Variants in NTN4 observed in about 807,000 individuals in gnomAD.
NTN4 encodes netrin 4.
In NTN4, 32 loss-of-function variants were observed where a neutral mutation model predicts 73.6. That is an observed-to-expected ratio of 0.44 (90% CI 0.33 to 0.58). NTN4 has a LOEUF of 0.58. Ranked by LOEUF, NTN4 falls within the 20% of genes least tolerant of loss-of-function variation. The probability of loss-of-function intolerance (pLI) is 0.04; values close to 1 mark genes in which losing one functional copy is unlikely to be tolerated. For missense variants in NTN4, 654 were observed against 798.3 expected, an observed-to-expected ratio of 0.82 and a Z score of 2.18; for synonymous variants, 258 against 287.5, an observed-to-expected ratio of 0.90 and a Z score of 1.04.
chr12:95,724,835 T>C (rs1014730329), intron 3 of NTN4, among the ~76,000 whole-genome samples: 1 of 152,136 alleles, frequency 6.6e-6, no homozygotes, highest in African/African-American at 2.4e-5. Flanking sequence ...ACTCCATCTT[T>C]GTTCTTCATT....
chr12:95,736,083 C>T (rs1000092144), intron 3 of NTN4, among the ~76,000 whole-genome samples: 2 of 151,844 alleles, frequency 1.3e-5, no homozygotes, highest in Admixed American at 6.6e-5. Flanking sequence ...GGAATACAGG[C>T]GCCCACCACT....
chr12:95,731,590 T>C (rs1417740438), intron 3 of NTN4, among the ~76,000 whole-genome samples: 1 of 152,098 alleles, frequency 6.6e-6, no homozygotes, highest in Non-Finnish European at 1.5e-5. Flanking sequence ...AGCTAACCTT[T>C]GGGGGTGAGA....
At chr12:95,724,640 C>A (rs111787894) in intron 3 of NTN4, among the ~76,000 whole-genome samples, 159 of 152,276 alleles carry the variant, frequency 1.0e-3, no homozygotes, top group African/African-American at 3.6e-3. Context: ...AGATGATCAA[C>A]AAGTATTACA....
At chr12:95,662,271 C>T (rs1421996317) in intron 9 of NTN4, among the ~76,000 whole-genome samples, 1 of 133,984 alleles carries the variant, frequency 7.5e-6, no homozygotes, top group Non-Finnish European at 1.6e-5. Flanking sequence ...CACTCTGTCA[C>T]CCAGGCTGAC....
chr12:95,665,968 T>C lies in NTN4; in HGVS notation c.1592A>G (p.Lys531Arg), dbSNP rs2078176491. 1 of 1,608,904 alleles carries C rather than the reference T, an allele frequency of 6.2e-7. No individual in the cohort carries two copies. The highest frequency in any genetic ancestry group is 8.5e-7 in the Non-Finnish European group (1 of 1,177,660). The change falls in exon 9 of 10, where the codon AAG (lysine) becomes AGG (arginine). Residue 531 changes from lysine (K) to arginine (R), a missense_variant. By Grantham distance (26) the Lys-to-Arg change is conservative (BLOSUM62 2). Coordinates refer to ENST00000343702, the MANE Select transcript of NTN4 (RefSeq NM_021229.4). ...ACCTTTATCATGAGCTGATAAAATC[T>C]TTATTTTTAGCACTGTTAACACAGA... The part of the protein sequence containing the change: ...GMKYSYVLKI[K>R]ILSAHDKGTH...
At chr12:95,759,038 A>G (rs11108237) in intron 2 of NTN4, among the ~76,000 whole-genome samples, 41,458 of 152,080 alleles carry the variant, frequency 0.27, 6,460 homozygotes, top group South Asian at 0.4. Flanking sequence ...ATTTTTCTCT[A>G]CAGTTGAACT....
intron 5 of NTN4, among the ~76,000 whole-genome samples, chr12:95,695,949 TTCCC>T (rs35268343): frequency 0.19 from 28,398 of 147,630 alleles, 2,877 homozygotes; most frequent in Non-Finnish European, 0.23. Flanking sequence ...TTTTCTTTCT[TTCCC>T]TCCCTCCCTC....
intron 5 of NTN4, among the ~76,000 whole-genome samples, chr12:95,684,288 C>T (rs1328809592): frequency 3.3e-5 from 5 of 151,874 alleles, no homozygotes; most frequent in African/African-American, 1.2e-4. Flanking sequence ...GAACAGATAG[C>T]TCTTTTGAGG....
intron 2 of NTN4, among the ~76,000 whole-genome samples, chr12:95,779,239 A>C (rs1414509565): frequency 2.0e-5 from 3 of 152,208 alleles, no homozygotes; most frequent in Non-Finnish European, 4.4e-5. Context: ...TTCCCTTTGA[A>C]AACTGGCACA....
chr12:95,733,647 G>A lies in NTN4; in HGVS notation c.864+4219C>T, dbSNP rs1003333594. ...AGCTGTGTTTGGCTCCAATACCAGGGTCTTAATCATCACACAGTTCTGTCT... is the reference window on the plus strand; with the variant it reads ...AGCTGTGTTTGGCTCCAATACCAGGATCTTAATCATCACACAGTTCTGTCT... On this transcript the variant is annotated intron_variant, in intron 3 of 9. Coordinates refer to ENST00000343702, the MANE Select transcript of NTN4 (RefSeq NM_021229.4). 2.6e-5 allele frequency among the ~76,000 whole-genome samples: 4 copies of A among 152,262 alleles called. No individual in the cohort carries two copies. In the East Asian group the frequency reaches 7.7e-4, roughly 29 times the overall value.
chr12:95,752,224 A>G (rs2121220138), intron 2 of NTN4, among the ~76,000 whole-genome samples: 1 of 151,614 alleles, frequency 6.6e-6, no homozygotes, highest in East Asian at 2.0e-4. Flanking sequence ...GGCCTTTTAA[A>G]GCCTATAAAC....
intron 4 of NTN4, among the ~76,000 whole-genome samples, chr12:95,712,885 G>A (rs916972376): frequency 2.8e-5 from 4 of 140,732 alleles, no homozygotes; most frequent in African/African-American, 7.9e-5. Flanking sequence ...TGATCCACCC[G>A]CCTTGGCCTC....
chr12:95,782,316 G>A (rs1199268692), intron 2 of NTN4, among the ~76,000 whole-genome samples: 1 of 150,108 alleles, frequency 6.7e-6, no homozygotes, highest in East Asian at 2.0e-4. Flanking sequence ...TTTTTTTTGA[G>A]ACAGAGTCTC....
At chr12:95,717,327 T>C (rs184310551) in intron 3 of NTN4, among the ~76,000 whole-genome samples, 1 of 152,290 alleles carries the variant, frequency 6.6e-6, no homozygotes, top group Admixed American at 6.5e-5. Flanking sequence ...TATTTAGAGT[T>C]ACCTCGTCAA....
At chr12:95,744,404 GCTT>G (rs2078847206) in intron 2 of NTN4, among the ~76,000 whole-genome samples, 1 of 152,030 alleles carries the variant, frequency 6.6e-6, no homozygotes, top group Non-Finnish European at 1.5e-5. Context: ...TTTAAAGTGA[GCTT>G]CTTATAGGCA....
chr12:95,698,779 C>T (rs1173933366), intron 5 of NTN4, among the ~76,000 whole-genome samples: 1 of 151,988 alleles, frequency 6.6e-6, no homozygotes, highest in East Asian at 1.9e-4. Context: ...ATTGCTTGAG[C>T]CCAGGAGTTT....
chr12:95,674,540 T>A (rs1239354711), intron 7 of NTN4, among the ~76,000 whole-genome samples: 1 of 152,194 alleles, frequency 6.6e-6, no homozygotes, highest in Non-Finnish European at 1.5e-5. Flanking sequence ...TTGTTTACAG[T>A]TCTGTGGTAC....
rs1198648540 is a variant in NTN4 at position 95,781,302 on chromosome 12, T to TA, written c.585+5636dup. ...ATGTACCCTAGAACTTAAAGTATAA[T>TA]AAAAAAATTTAAAAAACCATACCAT... On this transcript the variant is annotated intron_variant, in intron 2 of 9. Transcript: ENST00000343702. The surrounding 1 kb of genome is among the most constrained non-coding windows in gnomAD (Gnocchi z 4.1). 2.0e-5 allele frequency among the ~76,000 whole-genome samples: 3 copies of TA among 151,936 alleles called. No homozygotes were observed. The highest frequency in any genetic ancestry group is 1.3e-4 in the Admixed American group (2 of 15,276).
chr12:95,786,868 T>C (rs1426508175), intron 2 of NTN4, 71 bp downstream of exon 2: 1 of 1,292,404 alleles, frequency 7.7e-7, no homozygotes, highest in African/African-American at 1.5e-5. Flanking sequence ...GCTTCATGCT[T>C]TAAAAAAAAA....
Sources: allele counts gnomAD v4.1 joint callset (sites outside exome capture counted in the v4.1 genomes callset), GRCh38; gene constraint gnomAD v4.1.1; non-coding constraint Gnocchi (gnomAD v3.1); transcripts MANE v1.5; gene names NCBI Gene and HGNC (gene_info 2026-07-23, HGNC 2026-07-21).